Variants in FAM227B observed in about 807,000 individuals in gnomAD.
The protein encoded by FAM227B is protein FAM227B.
A neutral mutation model predicts 73.8 loss-of-function variants in FAM227B; 88 were observed. That is an observed-to-expected ratio of 1.19 (90% CI 1.00 to 1.42). FAM227B has a LOEUF of 1.42. Among genes scored for constraint, FAM227B ranks in the 40% most tolerant of loss-of-function variants. The pLI is 0.00. For synonymous variants in FAM227B, 210 were observed against 190.5 expected, an observed-to-expected ratio of 1.10 and a Z score of -0.84; for missense variants, 632 against 590.9, an observed-to-expected ratio of 1.07 and a Z score of -0.72.
At chr15:49,379,839 GAAGCCGGCAC>G (rs2046407134) in intron 11 of FAM227B, among the ~76,000 whole-genome samples, 1 of 152,116 alleles carries the variant, frequency 6.6e-6, no homozygotes. Context: ...GGTCAGACCT[GAAGCCGGCAC>G]AGCACTGGGT....
chr15:49,422,748 T>G (rs1044700092), intron 11 of FAM227B: 10 of 1,331,992 alleles, frequency 7.5e-6, no homozygotes, highest in Non-Finnish European at 9.4e-6. Context: ...TGTACTTATA[T>G]TCATATTCAA....
In FAM227B at chr15:49,329,169, G is replaced by A. The variant is rs1257791665; in HGVS notation, c.1420-494C>T. 2.4e-5 allele frequency: 24 copies of A among 986,826 alleles called. No individual in the cohort carries two copies. In the Middle Eastern group the frequency reaches 1.5e-3, roughly 64 times the overall value. 61.1% of individuals were successfully genotyped at this position (986,826 alleles called of 1,614,324 possible). A position where few individuals can be genotyped will look rare whatever the true frequency, so the allele number is the denominator to read the frequency against. On this transcript the variant is annotated intron_variant, in intron 15 of 15. Coordinates refer to ENST00000299338, the MANE Select transcript of FAM227B (RefSeq NM_152647.3). ...TGTAAAGCAGGTATGCAGGTATGTG[G>A]GTGAAAGTGACTATGAAAAGACTTA... is the stretch of plus-strand genomic sequence containing the variant.
chr15:49,331,704 C>A, intron 15 of FAM227B, 76 bp downstream of exon 15: 3 of 919,806 alleles, frequency 3.3e-6, no homozygotes, highest in Non-Finnish European at 1.8e-6. Context: ...CCATACATTG[C>A]TTATGAAATA....
At chr15:49,537,260 T>C (rs1175944917) in intron 10 of FAM227B, among the ~76,000 whole-genome samples, 1 of 152,106 alleles carries the variant, frequency 6.6e-6, no homozygotes, top group Admixed American at 6.6e-5. Context: ...AGCCAATGAC[T>C]TGAATAGACA....
intron 9 of FAM227B, among the ~76,000 whole-genome samples, chr15:49,550,947 T>C (rs1446595795): frequency 6.6e-6 from 1 of 151,162 alleles, no homozygotes; most frequent in Non-Finnish European, 1.5e-5. Context: ...GAGGTGGAGG[T>C]TGTAGCGAGC....
rs188038867 is a variant in FAM227B at position 49,574,353 on chromosome 15, A to G, written c.645+658T>C. ...ACTCATCTTGAATTGTAATCCCCAC[A>G]TGTCGAGGGAGGGACTGGGAGGGAG... On this transcript the variant is annotated intron_variant, in intron 8 of 15. Coordinates refer to ENST00000299338, the MANE Select transcript of FAM227B (RefSeq NM_152647.3). Among the ~76,000 whole-genome samples the G allele has an allele frequency of 2.0e-3, 304 of 152,216 alleles. 1 individual carries two copies. Among genetic ancestry groups the G allele is most frequent in the African/African-American group, 7.0e-3 (291 of 41,548 alleles).
At chr15:49,368,113 A>C (rs989860886) in intron 12 of FAM227B, among the ~76,000 whole-genome samples, 1 of 152,084 alleles carries the variant, frequency 6.6e-6, no homozygotes, top group Non-Finnish European at 1.5e-5. Context: ...AAAAGGATTA[A>C]TAACTAACTT....
Position 49,616,820 on chromosome 15 carries a change from A to C in FAM227B, c.-72-1577T>G, listed in dbSNP as rs76226156. 6.9e-3 allele frequency among the ~76,000 whole-genome samples: 1,048 copies of C among 152,282 alleles called. 19 individuals carry two copies. Among genetic ancestry groups the C allele is most frequent in the African/African-American group, 0.024 (1,002 of 41,566 alleles). On this transcript the variant is annotated intron_variant, in intron 1 of 15. Coordinates refer to ENST00000299338, the MANE Select transcript of FAM227B (RefSeq NM_152647.3). ...AAATGTCAAGTATTTTGATATAAAT[A>C]TTTATTCTTAATATCCTCCTATTAT...
chr15:49,396,020 C>T (rs774084294), intron 11 of FAM227B: 55 of 454,992 alleles, frequency 1.2e-4, no homozygotes, highest in Non-Finnish European at 1.8e-4. Context: ...GGAACAGCTC[C>T]GGTCTACAGC....
intron 11 of FAM227B, among the ~76,000 whole-genome samples, chr15:49,379,282 TTATCTGGTTTTGG>T (rs1179410199): frequency 6.6e-6 from 1 of 152,156 alleles, no homozygotes; most frequent in Non-Finnish European, 1.5e-5. Flanking sequence ...TGATGTGTCT[TTATCTGGTTTTGG>T]TATCAGGGTA....
chr15:49,510,362 G>T (rs892752561), intron 10 of FAM227B, among the ~76,000 whole-genome samples: 4 of 152,020 alleles, frequency 2.6e-5, no homozygotes, highest in African/African-American at 9.7e-5. Flanking sequence ...AAATGAATCT[G>T]CTATACTTAT....
intron 8 of FAM227B, among the ~76,000 whole-genome samples, 181 bp from the exon 9 acceptor site, chr15:49,568,527 C>T (rs1052973067): frequency 5.9e-5 from 9 of 151,948 alleles, no homozygotes; most frequent in African/African-American, 1.2e-4. Context: ...GGCTGTATTA[C>T]CCTGGGCAAG....
intron 9 of FAM227B, among the ~76,000 whole-genome samples, chr15:49,549,900 C>G (rs1414832262): frequency 8.4e-6 from 1 of 118,704 alleles, no homozygotes; most frequent in African/African-American, 2.7e-5. Flanking sequence ...GGGTGGTTGG[C>G]CGGGCGGGGG....
intron 1 of FAM227B, among the ~76,000 whole-genome samples, chr15:49,616,373 G>A (rs1241341286): frequency 1.3e-5 from 2 of 152,106 alleles, no homozygotes; most frequent in Non-Finnish European, 2.9e-5. Context: ...TAAACTTTGT[G>A]TTGTTTTAAG....
chr15:49,515,668 T>C (rs1314271676), intron 10 of FAM227B, among the ~76,000 whole-genome samples: 1 of 152,188 alleles, frequency 6.6e-6, no homozygotes, highest in Non-Finnish European at 1.5e-5. Flanking sequence ...GTGTTTATGT[T>C]TTCTTGTTGC....
rs1438074174 is a variant in FAM227B, at chr15:49,371,774, CACTTATAAATA to C, written c.1013-386_1013-376del. On this transcript the variant is annotated intron_variant, in intron 11 of 15. Coordinates refer to ENST00000299338, the MANE Select transcript of FAM227B (RefSeq NM_152647.3). The stretch of plus-strand genomic sequence containing the variant: ...ACTTATAAATAAATGAAATAAAATT[CACTTATAAATA>C]AATGAAATAAAATTCACTTATAAAT... Among the ~76,000 whole-genome samples, 119 of 144,626 alleles carry C rather than the reference CACTTATAAATA, an allele frequency of 8.2e-4. 1 individual carries two copies. The highest frequency in any genetic ancestry group is 3.2e-3 in the Admixed American group (46 of 14,552). The allele number at this position is 144,626 out of a possible 152,430, so 94.9% of individuals were successfully genotyped here.
At chr15:49,531,218 G>A (rs1057070931) in intron 10 of FAM227B, among the ~76,000 whole-genome samples, 5 of 151,730 alleles carry the variant, frequency 3.3e-5, no homozygotes, top group Admixed American at 1.3e-4. Flanking sequence ...ACCTTGATGT[G>A]TATGTTGATT....
intron 11 of FAM227B, among the ~76,000 whole-genome samples, chr15:49,461,517 TCTC>T (rs1195540409): frequency 6.6e-6 from 1 of 152,204 alleles, no homozygotes; most frequent in Non-Finnish European, 1.5e-5. Context: ...GCTCTATACT[TCTC>T]CTACTTACTG....
chr15:49,494,124 G>A (rs926462509), intron 11 of FAM227B, among the ~76,000 whole-genome samples: 3 of 151,866 alleles, frequency 2.0e-5, no homozygotes, highest in African/African-American at 7.3e-5. Context: ...CAGTTGTAGA[G>A]CACATGTATA....
Sources: gnomAD v4.1 joint callset for allele counts (sites outside exome capture counted in the v4.1 genomes callset) on GRCh38, gnomAD v4.1.1 for gene constraint, MANE v1.5 for transcripts, NCBI Gene and HGNC (gene_info 2026-07-23, HGNC 2026-07-21) for gene names.